BBS9: variants seen among roughly 807,000 people sequenced by gnomAD.
The protein encoded by BBS9 is Bardet-Biedl syndrome 9, also known as protein PTHB1.
BBS9 carries 89 observed loss-of-function variants against 117.7 expected under a neutral mutation model. The ratio of observed to expected loss-of-function variants is 0.76; its 90% confidence interval spans 0.64 to 0.90. BBS9 has a LOEUF of 0.90. Ranked by LOEUF, BBS9 falls within the 40% of genes least tolerant of loss-of-function variation. BBS9 has a pLI of 0.00. For synonymous variants in BBS9, 379 were observed against 370.9 expected, an observed-to-expected ratio of 1.02 and a Z score of -0.25; for missense variants, 982 against 1,042.2, an observed-to-expected ratio of 0.94 and a Z score of 0.80.
rs147819057 is a variant in BBS9, at chr7:33,516,977, G to T, written c.2298+11332G>T. 4.0e-3 allele frequency among the ~76,000 whole-genome samples: 605 copies of T among 152,276 alleles called. 5 individuals carry two copies. Among genetic ancestry groups the T allele is most frequent in the South Asian group, 0.013 (61 of 4,818 alleles). ...TTTGGAGTGGTGAAACTCCCCAGCTGCCTGAGAAATAAAAATCTAGCTTGT... is the reference window on the plus strand; with the variant it reads ...TTTGGAGTGGTGAAACTCCCCAGCTTCCTGAGAAATAAAAATCTAGCTTGT... On this transcript the variant is annotated intron_variant, in intron 20 of 22. Transcript: ENST00000242067.
intron 21 of BBS9, among the ~76,000 whole-genome samples, chr7:33,590,583 T>A (rs1043306416): frequency 2.0e-5 from 3 of 151,490 alleles, no homozygotes; most frequent in African/African-American, 7.3e-5. Flanking sequence ...TTTACTACCC[T>A]TTGTACCTTC....
intron 21 of BBS9, among the ~76,000 whole-genome samples, chr7:33,564,614 T>G (rs1856577920): frequency 6.6e-6 from 1 of 152,236 alleles, no homozygotes; most frequent in Non-Finnish European, 1.5e-5. Flanking sequence ...ATTCTTTTTT[T>G]TGCGTCAGAT....
intron 5 of BBS9, among the ~76,000 whole-genome samples, chr7:33,251,873 TCTC>T (rs1437148412): frequency 6.6e-6 from 1 of 152,204 alleles, no homozygotes; most frequent in African/African-American, 2.4e-5. Context: ...TATTAAGTGT[TCTC>T]CTCTATGTTG....
intron 16 of BBS9, among the ~76,000 whole-genome samples, chr7:33,366,543 C>CTTTTTTTTTTTTTTTTTTTTT (rs70989948): frequency 5.1e-4 from 46 of 89,676 alleles, no homozygotes; most frequent in Non-Finnish European, 6.0e-4. Flanking sequence ...TCTTTTCTTT[C>CTTTTTTTTTTTTTTTTTTTTT]TTTTTTTTTT....
chr7:33,290,985 T>G (rs946339620), intron 9 of BBS9, among the ~76,000 whole-genome samples: 6 of 152,146 alleles, frequency 3.9e-5, no homozygotes, highest in African/African-American at 1.4e-4. Context: ...TTCAGTTCAG[T>G]AAATATACCA....
At chr7:33,533,757 T>C in intron 20 of BBS9, 197 bp from the exon 21 acceptor site, 1 of 619,766 alleles carries the variant, frequency 1.6e-6, no homozygotes, top group Non-Finnish European at 2.9e-6. Context: ...TAAGAGGAAT[T>C]AAGTAACTTG....
chr7:33,526,354 G>A (rs1224334784), intron 20 of BBS9, among the ~76,000 whole-genome samples: 4 of 152,200 alleles, frequency 2.6e-5, no homozygotes, highest in Middle Eastern at 6.8e-3. Context: ...TTTCCAACTC[G>A]GTTCCATTCT....
chr7:33,547,710 G>A lies in BBS9; in HGVS notation c.2521+13534G>A, dbSNP rs138163091. 2.9e-3 allele frequency among the ~76,000 whole-genome samples: 442 copies of A among 152,286 alleles called. 2 individuals carry two copies. Among genetic ancestry groups the A allele is most frequent in the African/African-American group, 1.0e-2 (414 of 41,554 alleles). ...GGACAAGGCCAGCCATTTAGCAATC[G>A]TGCAGCTGTTTATTTTTCTGGAGCC... On this transcript the variant is annotated intron_variant, in intron 21 of 22. Coordinates refer to ENST00000242067, the MANE Select transcript of BBS9 (RefSeq NM_198428.3).
chr7:33,517,487 G>T (rs1449858647), intron 20 of BBS9, among the ~76,000 whole-genome samples: 1 of 152,178 alleles, frequency 6.6e-6, no homozygotes. Context: ...TTTATGCAGG[G>T]TAAGTGTGAG....
In BBS9 at chr7:33,592,563, A is replaced by T. The variant is rs926486657; in HGVS notation, c.2522-12302A>T. ...GGGAATGAGTCCTGAGTGTTTCTTC[A>T]GTTTCCTTGTCCTATGTGGAAGGAT... is the stretch of plus-strand genomic sequence containing the variant. On this transcript the variant is annotated intron_variant, in intron 21 of 22. Transcript: ENST00000242067. 2.6e-5 allele frequency among the ~76,000 whole-genome samples: 4 copies of T among 152,196 alleles called. No homozygotes were observed. In the East Asian group the frequency reaches 7.8e-4, roughly 30 times the overall value.
chr7:33,181,222 G>A (rs1306424852), intron 5 of BBS9, among the ~76,000 whole-genome samples: 1 of 152,152 alleles, frequency 6.6e-6, no homozygotes. Flanking sequence ...AAGGGTGCAA[G>A]GAGCCTTCTG....
chr7:33,377,865 T>C (rs1824184474), intron 17 of BBS9, among the ~76,000 whole-genome samples: 1 of 152,178 alleles, frequency 6.6e-6, no homozygotes, highest in Non-Finnish European at 1.5e-5. Flanking sequence ...TAGACTCAAA[T>C]TGATAGTTTA....
intron 5 of BBS9, among the ~76,000 whole-genome samples, chr7:33,195,376 C>T (rs1784777685): frequency 6.6e-6 from 1 of 152,138 alleles, no homozygotes; most frequent in African/African-American, 2.4e-5. Context: ...TCCTCTTTAA[C>T]AAACATGTTA....
intron 5 of BBS9, among the ~76,000 whole-genome samples, chr7:33,191,876 CAT>C (rs1784174548): frequency 6.6e-6 from 1 of 151,476 alleles, no homozygotes; most frequent in Admixed American, 6.6e-5. Flanking sequence ...GTATTCTTCA[CAT>C]GAGGATGTAT....
chr7:33,336,815 G>A (rs959797769), intron 10 of BBS9, among the ~76,000 whole-genome samples, 193 bp downstream of exon 10: 6 of 152,072 alleles, frequency 3.9e-5, no homozygotes, highest in African/African-American at 9.7e-5. Context: ...TTCTGAAAAC[G>A]TATTTTATTT....
At chr7:33,589,344 A>G (rs769128336) in intron 21 of BBS9, among the ~76,000 whole-genome samples, 26 of 152,150 alleles carry the variant, frequency 1.7e-4, no homozygotes, top group Non-Finnish European at 3.2e-4. Flanking sequence ...CACACTACCC[A>G]AAACAGAGTG....
chr7:33,258,119 TGG>T (rs917405816), intron 6 of BBS9, among the ~76,000 whole-genome samples: 1 of 152,168 alleles, frequency 6.6e-6, no homozygotes, highest in Non-Finnish European at 1.5e-5. Flanking sequence ...GCAGAGAGAA[TGG>T]GGAAAAGAGT....
intron 7 of BBS9, among the ~76,000 whole-genome samples, chr7:33,272,802 TA>T (rs1172912304): frequency 6.6e-6 from 1 of 152,050 alleles, no homozygotes; most frequent in African/African-American, 2.4e-5. Flanking sequence ...TATCATTTGG[TA>T]AGACATGGAA....
chr7:33,306,906 G>A (rs1808132655), intron 9 of BBS9, among the ~76,000 whole-genome samples: 2 of 152,022 alleles, frequency 1.3e-5, no homozygotes, highest in African/African-American at 4.8e-5. Context: ...AAATATCTTG[G>A]CAAATAATTG....
Sources: allele counts gnomAD v4.1 joint callset (sites outside exome capture counted in the v4.1 genomes callset), GRCh38; gene constraint gnomAD v4.1.1; transcripts MANE v1.5; gene names NCBI Gene and HGNC (gene_info 2026-07-23, HGNC 2026-07-21).